FLT1: variants seen among roughly 807,000 people sequenced by gnomAD.
FLT1 encodes fms related receptor tyrosine kinase 1.
Under a neutral mutation model 156.3 loss-of-function variants are expected in FLT1, and 49 were observed. The ratio of observed to expected loss-of-function variants is 0.31; its 90% confidence interval spans 0.25 to 0.40. The LOEUF (loss-of-function observed/expected upper bound fraction) is 0.40. Ranked by LOEUF, FLT1 falls within the 10% of genes least tolerant of loss-of-function variation. The pLI is 1.00. For synonymous variants in FLT1, 594 were observed against 583.8 expected (o/e 1.02, Z -0.25); for missense variants, 1,322 against 1,637.2 (o/e 0.81, Z 3.32).
chr13:28,319,684 G>C, intron 23 of FLT1, 150 bp from the exon 24 acceptor site: 1 of 660,438 alleles, frequency 1.5e-6, no homozygotes, highest in Non-Finnish European at 2.8e-6. Flanking sequence ...GAACACCATA[G>C]TATGCAGTGT....
intron 3 of FLT1, among the ~76,000 whole-genome samples, chr13:28,462,640 C>A (rs950017802): frequency 2.6e-5 from 4 of 152,172 alleles, no homozygotes; most frequent in African/African-American, 9.7e-5. Flanking sequence ...AATGATGGTG[C>A]CTTTGCATCA....
At chr13:28,413,450 C>T (rs1334711978) in intron 10 of FLT1, among the ~76,000 whole-genome samples, 3 of 150,990 alleles carry the variant, frequency 2.0e-5, no homozygotes, top group African/African-American at 4.9e-5. Context: ...AGGGGATCCT[C>T]GTGGCCCCGC....
intron 19 of FLT1, among the ~76,000 whole-genome samples, chr13:28,327,792 T>C (rs1410032596): frequency 2.7e-5 from 4 of 146,572 alleles, no homozygotes; most frequent in African/African-American, 1.0e-4. Context: ...TGAGGGGCAG[T>C]GCAGAAGCAT....
At chr13:28,411,300 C>A (rs909427016) in intron 10 of FLT1, among the ~76,000 whole-genome samples, 1 of 151,570 alleles carries the variant, frequency 6.6e-6, no homozygotes, top group South Asian at 2.1e-4. Context: ...ACCTGTAAAT[C>A]CCAGCACTTT....
chr13:28,433,751 A>C (rs1361567882), intron 6 of FLT1, 68 bp downstream of exon 6: 1 of 1,478,904 alleles, frequency 6.8e-7, no homozygotes, highest in Non-Finnish European at 9.4e-7. Context: ...CCCATCTCAA[A>C]ACCCCTGCGG....
At chr13:28,453,777 TC>T (rs750214202) in intron 3 of FLT1, among the ~76,000 whole-genome samples, 3 of 152,216 alleles carry the variant, frequency 2.0e-5, no homozygotes, top group Admixed American at 6.5e-5. Flanking sequence ...TACTTAAAAA[TC>T]CCATGTTTCT....
chr13:28,330,392 A>T lies in FLT1; in HGVS notation c.2594-664T>A, dbSNP rs1219503641. ...TAGTTAATATGCAAGGCATTTAAAA[A>T]TTTTAAATTATTTTTAGAAATATAA... On this transcript the variant is annotated intron_variant, in intron 18 of 29. Coordinates refer to ENST00000282397, the MANE Select transcript of FLT1 (RefSeq NM_002019.4). 3.3e-5 allele frequency among the ~76,000 whole-genome samples: 5 copies of T among 152,222 alleles called. No individual in the cohort carries two copies. The East Asian group carries it at 5.8e-4, about 18-fold the overall frequency.
At chr13:28,492,796 C>T (rs902388259) in intron 1 of FLT1, among the ~76,000 whole-genome samples, 1 of 152,270 alleles carries the variant, frequency 6.6e-6, no homozygotes, top group East Asian at 1.9e-4. Context: ...CTGTGAGATG[C>T]TTGTTAACCA....
In FLT1 at chr13:28,376,778, G is replaced by C. The variant is rs775309001; in HGVS notation, c.2116+8107C>G. On this transcript the variant is annotated intron_variant, in intron 14 of 29. Coordinates refer to ENST00000282397, the MANE Select transcript of FLT1 (RefSeq NM_002019.4). ...ATTGGAGAACCTGGGAAGAGGGTAAGGTAGAAAGGAGACTTTTTGATTATT... is the reference window on the plus strand; with the variant it reads ...ATTGGAGAACCTGGGAAGAGGGTAACGTAGAAAGGAGACTTTTTGATTATT... Among the ~76,000 whole-genome samples the C allele has an allele frequency of 2.5e-4, 38 of 152,302 alleles. No homozygotes were observed. The Middle Eastern group carries it at 0.02, about 82-fold the overall frequency.
chr13:28,378,388 T>C (rs897223155), intron 14 of FLT1, among the ~76,000 whole-genome samples: 3 of 152,222 alleles, frequency 2.0e-5, no homozygotes, highest in Non-Finnish European at 4.4e-5. Flanking sequence ...AGATATTCAT[T>C]GTTTTAAATA....
chr13:28,368,559 A>T (rs903900906), intron 14 of FLT1: 1 of 1,516,590 alleles, frequency 6.6e-7, no homozygotes, highest in Non-Finnish European at 9.0e-7. Context: ...GATGATGATG[A>T]TGATGATAAT....
chr13:28,323,915 A>C (rs1478129237), intron 20 of FLT1, among the ~76,000 whole-genome samples: 1 of 152,182 alleles, frequency 6.6e-6, no homozygotes, highest in East Asian at 1.9e-4. Flanking sequence ...ACAAAGATAC[A>C]GTTTGATCCT....
chr13:28,351,768 A>C (rs1049616820), intron 15 of FLT1, among the ~76,000 whole-genome samples: 2 of 152,268 alleles, frequency 1.3e-5, no homozygotes, highest in Non-Finnish European at 2.9e-5. Context: ...TAAGTCAAAC[A>C]GGAATTCTGT....
At chr13:28,313,748 T>G (rs9513071) in intron 25 of FLT1, among the ~76,000 whole-genome samples, 17,614 of 152,198 alleles carry the variant, frequency 0.12, 1,337 homozygotes, top group Middle Eastern at 0.18. Flanking sequence ...TGAGAAACCC[T>G]AGTTCATATC....
At chr13:28,325,632 G>A (rs1466150499) in intron 20 of FLT1, among the ~76,000 whole-genome samples, 2 of 151,992 alleles carry the variant, frequency 1.3e-5, no homozygotes, top group African/African-American at 4.8e-5. Flanking sequence ...GGCCAACATG[G>A]TGAAACTCCG....
intron 29 of FLT1, 130 bp downstream of exon 29, chr13:28,306,548 T>C: frequency 1.4e-6 from 1 of 730,038 alleles, no homozygotes; most frequent in African/African-American, 1.7e-5. Context: ...AATGGTTTTC[T>C]GCAACTCCCG....
At chr13:28,361,380 C>A (rs553220469) in intron 14 of FLT1, among the ~76,000 whole-genome samples, 1 of 152,210 alleles carries the variant, frequency 6.6e-6, no homozygotes, top group South Asian at 2.1e-4. Context: ...AGTGTACTTT[C>A]TGAAAACACA....
intron 3 of FLT1, among the ~76,000 whole-genome samples, chr13:28,442,701 T>TAC (rs111263665): frequency 0.3 from 44,152 of 146,874 alleles, 6,451 homozygotes; most frequent in East Asian, 0.38. Flanking sequence ...TGACTGTAGA[T>TAC]ACACACACAC....
chr13:28,466,141 C>A lies in FLT1; in HGVS notation c.388+762G>T, dbSNP rs1374255692. Among the ~76,000 whole-genome samples the A allele has an allele frequency of 3.3e-5, 5 of 152,170 alleles. No individual in the cohort carries two copies. In the East Asian group the frequency reaches 7.7e-4, roughly 23 times the overall value. On this transcript the variant is annotated intron_variant, in intron 3 of 29. Transcript: ENST00000282397. ...AAACAAGGAAGAAGAAAGTGACAGG[C>A]CATTTTTATTATTCTTTCTCAGGGT...
Sources: gnomAD v4.1 joint callset for allele counts (sites outside exome capture counted in the v4.1 genomes callset) on GRCh38, gnomAD v4.1.1 for gene constraint, MANE v1.5 for transcripts, NCBI Gene and HGNC (gene_info 2026-07-23, HGNC 2026-07-21) for gene names.